Variants in TASP1 observed in about 807,000 individuals in gnomAD.
The protein encoded by TASP1 is threonine aspartase 1.
TASP1 carries 16 observed loss-of-function variants against 56.6 expected under a neutral mutation model. The observed-to-expected ratio is 0.28, with a 90% confidence interval of 0.19 to 0.43. The LOEUF (loss-of-function observed/expected upper bound fraction) is 0.43. TASP1 is among the 20% of genes least tolerant of loss of function. TASP1 has a pLI of 1.00. For synonymous variants in TASP1, 179 were observed against 184.2 expected (o/e 0.97, Z 0.23); for missense variants, 393 against 511.6 (o/e 0.77, Z 2.24).
chr20:13,314,293 T>C, the TASP1 span, among the ~76,000 whole-genome samples: 6 of 151,798 alleles, frequency 4.0e-5, no homozygotes, highest in Admixed American at 2.0e-4. Flanking sequence ...ATGAGTGGGA[T>C]AATGCCAAAA....
the TASP1 span, among the ~76,000 whole-genome samples, chr20:13,172,633 C>A: frequency 6.6e-6 from 1 of 152,104 alleles, no homozygotes; most frequent in Non-Finnish European, 1.5e-5. Flanking sequence ...GACAACAAAG[C>A]ACTGCCTTCA....
intron 9 of TASP1, among the ~76,000 whole-genome samples, chr20:13,528,952 A>C (rs1182520021): frequency 6.6e-6 from 1 of 152,144 alleles, no homozygotes; most frequent in African/African-American, 2.4e-5. Context: ...TCTGGGGCAG[A>C]CCTAGGAATC....
At chr20:13,610,612 T>C (rs1169904020) in intron 4 of TASP1, among the ~76,000 whole-genome samples, 3 of 152,208 alleles carry the variant, frequency 2.0e-5, no homozygotes, top group Non-Finnish European at 4.4e-5. Flanking sequence ...TAAAAACTGT[T>C]ACCATTGTGA....
intron 10 of TASP1, among the ~76,000 whole-genome samples, chr20:13,517,930 T>C (rs1286787789): frequency 6.6e-6 from 1 of 152,140 alleles, no homozygotes; most frequent in East Asian, 1.9e-4. Context: ...TGGTAGTTTA[T>C]ATACTCTGTT....
intron 10 of TASP1, among the ~76,000 whole-genome samples, chr20:13,521,549 G>C (rs539324131): frequency 1.3e-5 from 2 of 149,794 alleles, no homozygotes; most frequent in South Asian, 4.2e-4. Flanking sequence ...ACCAAACACC[G>C]CATGTTCTCA....
chr20:13,287,766 G>A, the TASP1 span, among the ~76,000 whole-genome samples: 1 of 152,172 alleles, frequency 6.6e-6, no homozygotes, highest in East Asian at 1.9e-4. Flanking sequence ...TGACCTTGAG[G>A]GATCATCTCT....
chr20:13,161,064 A>G, the TASP1 span, among the ~76,000 whole-genome samples: 167 of 152,356 alleles, frequency 1.1e-3, no homozygotes, highest in African/African-American at 3.7e-3. Flanking sequence ...ACAAAACAAG[A>G]GATGACAAGG....
Position 13,470,261 on chromosome 20 carries a change from G to T in TASP1, c.985+12966C>A, listed in dbSNP as rs142729832. ...ATTTCTTAAGCCTCAATTTAAAAAG[G>T]GGTAGAGGGGGGCACTCTGAGAGGT... On this transcript the variant is annotated intron_variant, in intron 11 of 13. Transcript: ENST00000337743. Among the ~76,000 whole-genome samples, 275 of 152,082 alleles carry T rather than the reference G, an allele frequency of 1.8e-3. 1 individual carries two copies. The highest frequency in any genetic ancestry group is 6.2e-3 in the African/African-American group (258 of 41,508).
chr20:13,426,526 T>A (rs1173666848), intron 12 of TASP1, among the ~76,000 whole-genome samples: 1 of 152,104 alleles, frequency 6.6e-6, no homozygotes, highest in Admixed American at 6.6e-5. Context: ...ATATTCAGAG[T>A]ATATTAGTGA....
At chr20:13,368,411 A>C in the TASP1 span, 8 of 152,256 alleles carry the variant, frequency 5.3e-5, no homozygotes, top group African/African-American at 1.7e-4. Flanking sequence ...GCCTTGTTTA[A>C]TATAACTTTC....
At chr20:13,499,942 C>T (rs2043883237) in intron 10 of TASP1, among the ~76,000 whole-genome samples, 1 of 151,804 alleles carries the variant, frequency 6.6e-6, no homozygotes, top group African/African-American at 2.4e-5. Flanking sequence ...TACACATGAA[C>T]ATACAGAAGG....
At chr20:13,327,652 G>A in the TASP1 span, among the ~76,000 whole-genome samples, 38 of 152,102 alleles carry the variant, frequency 2.5e-4, no homozygotes, top group South Asian at 2.1e-3. Flanking sequence ...AAATAAGACC[G>A]CACACCTACA....
chr20:13,260,718 T>G, the TASP1 span, among the ~76,000 whole-genome samples: 3 of 152,034 alleles, frequency 2.0e-5, no homozygotes, highest in Non-Finnish European at 4.4e-5. Flanking sequence ...GCAACTCTCA[T>G]TCTACCTCAC....
the TASP1 span, chr20:13,368,221 T>G: frequency 2.0e-5 from 3 of 152,094 alleles, no homozygotes; most frequent in African/African-American, 7.2e-5. Context: ...GTGCTTGGAG[T>G]AAAAAGATCA....
chr20:13,557,335 C>T (rs969649333), intron 8 of TASP1, among the ~76,000 whole-genome samples: 1 of 152,012 alleles, frequency 6.6e-6, no homozygotes, highest in African/African-American at 2.4e-5. Flanking sequence ...AGAAGCCAAA[C>T]AGAAAAGAGT....
the TASP1 span, among the ~76,000 whole-genome samples, chr20:13,177,748 T>C: frequency 5.9e-5 from 9 of 152,218 alleles, no homozygotes; most frequent in Middle Eastern, 3.4e-3. Flanking sequence ...TCTCATTGTA[T>C]AAAAAAATCA....
the TASP1 span, among the ~76,000 whole-genome samples, chr20:13,199,622 G>A: frequency 3.3e-5 from 5 of 152,182 alleles, no homozygotes; most frequent in African/African-American, 1.2e-4. Flanking sequence ...CTCTTAACAT[G>A]ACCAATGCCC....
chr20:13,163,465 C>A, the TASP1 span, among the ~76,000 whole-genome samples: 1 of 151,744 alleles, frequency 6.6e-6, no homozygotes, highest in Non-Finnish European at 1.5e-5. Context: ...AGATCCTTCA[C>A]TTTGGATACC....
the TASP1 span, among the ~76,000 whole-genome samples, chr20:13,144,106 A>C: frequency 6.6e-6 from 1 of 152,094 alleles, no homozygotes; most frequent in Non-Finnish European, 1.5e-5. Context: ...AACTCTACTG[A>C]TCTTTCCCAT....
Sources: allele counts gnomAD v4.1 joint callset (sites outside exome capture counted in the v4.1 genomes callset), GRCh38; gene constraint gnomAD v4.1.1; transcripts MANE v1.5; gene names NCBI Gene and HGNC (gene_info 2026-07-23, HGNC 2026-07-21).